NAXD: variants seen among roughly 807,000 people sequenced by gnomAD.
NAXD encodes the protein ATP-dependent (S)-NAD(P)H-hydrate dehydratase.
In NAXD, 22 loss-of-function variants were observed where a neutral mutation model predicts 35.8. The observed-to-expected ratio is 0.62, with a 90% CI of 0.44 to 0.88. The LOEUF (loss-of-function observed/expected upper bound fraction) is 0.88, where lower values mean the gene tolerates loss of function less well. NAXD is among the 40% of genes least tolerant of loss of function. The pLI is 0.00. For synonymous variants in NAXD, 189 were observed against 177.6 expected (o/e 1.06, Z -0.51); for missense variants, 428 against 437.7 (o/e 0.98, Z 0.20).
intron 9 of NAXD, chr13:110,637,721 A>G: frequency 2.2e-6 from 1 of 459,666 alleles, no homozygotes; most frequent in Non-Finnish European, 4.4e-6. Context: ...CAGTTCCCAT[A>G]CCTCTAAGCA....
intron 3 of NAXD, among the ~76,000 whole-genome samples, chr13:110,624,702 T>C (rs1324905655): frequency 6.6e-6 from 1 of 152,238 alleles, no homozygotes; most frequent in African/African-American, 2.4e-5. Flanking sequence ...CCTCACGTGA[T>C]CCATGCGCCT....
chr13:110,617,096 C>G (rs1389354512), intron 1 of NAXD, among the ~76,000 whole-genome samples: 1 of 152,182 alleles, frequency 6.6e-6, no homozygotes, highest in Non-Finnish European at 1.5e-5. Flanking sequence ...TATTATCAGA[C>G]TGCCTAAACT....
At chr13:110,621,193 G>T (rs112696657) in intron 1 of NAXD, among the ~76,000 whole-genome samples, 2 of 152,214 alleles carry the variant, frequency 1.3e-5, no homozygotes, top group Admixed American at 6.5e-5. Flanking sequence ...TGATGAATCT[G>T]TCAGACTTCT....
intron 5 of NAXD, among the ~76,000 whole-genome samples, chr13:110,630,373 C>G (rs533882504): frequency 6.6e-6 from 1 of 152,236 alleles, no homozygotes; most frequent in South Asian, 2.1e-4. Context: ...TACCCTTTCC[C>G]CACTTTGAAA....
rs549035962 is a variant in NAXD, at chr13:110,628,565, C to T, written c.441+1018C>T. ...GGCTTGAAGGCGGCGAGTGATGGAG[C>T]CAGCAGTGCAGGATGAGTCATCTGA... On this transcript the variant is annotated intron_variant, in intron 5 of 9. Coordinates refer to ENST00000680254, the MANE Select transcript of NAXD (RefSeq NM_001242882.2). The surrounding 1 kb of genome is among the most constrained non-coding windows in gnomAD (Gnocchi z 4.1). Among the ~76,000 whole-genome samples, 4 of 152,258 alleles carry T rather than the reference C, an allele frequency of 2.6e-5. No individual in the cohort carries two copies. The South Asian group carries it at 8.3e-4, about 32-fold the overall frequency.
At chr13:110,617,523 A>T (rs1303987111) in intron 1 of NAXD, among the ~76,000 whole-genome samples, 1 of 152,232 alleles carries the variant, frequency 6.6e-6, no homozygotes, top group Non-Finnish European at 1.5e-5. Context: ...TTCACTGCCA[A>T]GTGCTGGGAA....
At position 110,639,883 on chromosome 13, in the gene NAXD, T is replaced by G. The variant is rs980149291; in HGVS notation, c.*1355T>G. ...TAATTTGACGCCTAACTTCAGAAGC[T>G]TCACTGTCTACATGTGAACTTTTCC... On this transcript the variant is annotated 3_prime_UTR_variant, in exon 10 of 10. Coordinates refer to ENST00000680254, the MANE Select transcript of NAXD (RefSeq NM_001242882.2). 1.4e-4 allele frequency: 21 copies of G among 152,236 alleles called. No individual in the cohort carries two copies. Among genetic ancestry groups the G allele is most frequent in the African/African-American group, 5.1e-4 (21 of 41,472 alleles). The allele number at this position is 152,236 out of a possible 1,614,324, so 9.4% of individuals were successfully genotyped here.
rs1293119703 is a variant in NAXD at position 110,638,677 on chromosome 13, G to C, written c.*149G>C. 3 of 882,798 alleles carry C rather than the reference G, an allele frequency of 3.4e-6. No homozygotes were observed. The highest frequency in any genetic ancestry group is 3.9e-5 in the Admixed American group (2 of 50,812). 54.7% of individuals were successfully genotyped at this position (882,798 alleles called of 1,614,324 possible). On this transcript the variant is annotated 3_prime_UTR_variant, in exon 10 of 10. Transcript: ENST00000680254. This position sits in a 1 kb window ranked among gnomAD's most constrained non-coding sequence, Gnocchi z 5.4. ...AAATTGGTTGCCATTGAGAATTTAAGAATCTGGAATATTGCAGCTTTTGGT... is the reference window on the plus strand; with the variant it reads ...AAATTGGTTGCCATTGAGAATTTAACAATCTGGAATATTGCAGCTTTTGGT...
chr13:110,632,070 G>A (rs412822), intron 5 of NAXD, among the ~76,000 whole-genome samples: 32,738 of 138,298 alleles, frequency 0.24, 4,519 homozygotes, highest in African/African-American at 0.4. Flanking sequence ...GGACCCTCGC[G>A]GTGAGTGTTA....
chr13:110,634,829 AG>A, intron 7 of NAXD, 53 bp downstream of exon 7: 3 of 1,353,810 alleles, frequency 2.2e-6, no homozygotes, highest in Non-Finnish European at 3.1e-6. Flanking sequence ...CGTCCTGAAG[AG>A]GGTGAAGGAC....
intron 1 of NAXD, among the ~76,000 whole-genome samples, chr13:110,617,600 C>T (rs1270320955): frequency 6.6e-6 from 1 of 152,190 alleles, no homozygotes; most frequent in Non-Finnish European, 1.5e-5. Context: ...TGCTGGTGAG[C>T]AGCCTGGATT....
chr13:110,623,446 G>C (rs1182003828), intron 2 of NAXD, among the ~76,000 whole-genome samples: 1 of 152,218 alleles, frequency 6.6e-6, no homozygotes, highest in African/African-American at 2.4e-5. Context: ...GGCGGAAGCA[G>C]CTGGGTGGTG....
At position 110,625,610 on chromosome 13, in the gene NAXD, G is replaced by C. The variant is rs552659910; in HGVS notation, c.332+332G>C. Among the ~76,000 whole-genome samples, 24 of 152,346 alleles carry C rather than the reference G, an allele frequency of 1.6e-4. No individual in the cohort carries two copies. The South Asian group carries it at 5.0e-3, about 32-fold the overall frequency. On this transcript the variant is annotated intron_variant, in intron 4 of 9. Coordinates refer to ENST00000680254, the MANE Select transcript of NAXD (RefSeq NM_001242882.2). ...TCTGAGCAATAACAAGACCCTTCCT[G>C]CACTCGGCACATATGTCTGGTGCCA...
At chr13:110,634,423 T>C in intron 5 of NAXD, 122 bp from the exon 6 acceptor site, 1 of 983,752 alleles carries the variant, frequency 1.0e-6, no homozygotes, top group Non-Finnish European at 1.6e-6. Flanking sequence ...CATCACCTTT[T>C]AAAGGCCCCA....
At position 110,627,519 on chromosome 13, in the gene NAXD, G is replaced by C; in HGVS notation, c.413G>C (p.Arg138Thr). 2 of 1,613,962 alleles carry C rather than the reference G, an allele frequency of 1.2e-6. No individual in the cohort carries two copies. Among genetic ancestry groups the C allele is most frequent in the Non-Finnish European group, 8.5e-7 (1 of 1,179,818 alleles). ...HALVVGPGLGRDDALLRNVQG... is the reference protein window; with the variant it reads ...HALVVGPGLGTDDALLRNVQG... The stretch of plus-strand genomic sequence containing the variant: ...CTTGTCGTAGGACCTGGCTTGGGTA[G>C]AGATGATGCGCTTCTCAGAAATGTC... The change falls in exon 5 of 10, where the codon AGA becomes ACA. Residue 138 changes from arginine to threonine, a missense_variant. By Grantham distance (71) the Arg-to-Thr change is moderately conservative (BLOSUM62 -1). Around this residue, in one of 3 missense-constraint regions of NAXD, gnomAD observed 208 missense variants for 193.0 expected, o/e 1.08. Coordinates refer to ENST00000680254, the MANE Select transcript of NAXD (RefSeq NM_001242882.2).
At chr13:110,617,418 C>T (rs1566611906) in intron 1 of NAXD, among the ~76,000 whole-genome samples, 1 of 152,134 alleles carries the variant, frequency 6.6e-6, no homozygotes, top group Non-Finnish European at 1.5e-5. Flanking sequence ...CCTTTTTATC[C>T]TTCAGAACTT....
At chr13:110,622,517 T>C in intron 2 of NAXD, 151 bp downstream of exon 2, 1 of 709,462 alleles carries the variant, frequency 1.4e-6, no homozygotes, top group Non-Finnish European at 2.3e-6. Context: ...TGATCCACTT[T>C]TTGATTAACT....
intron 5 of NAXD, among the ~76,000 whole-genome samples, chr13:110,629,332 A>G (rs1259279380): frequency 1.3e-5 from 2 of 152,206 alleles, no homozygotes; most frequent in Non-Finnish European, 2.9e-5. Flanking sequence ...TACCTACCAT[A>G]CCCCTCACCC....
At position 110,638,099 on chromosome 13, in the gene NAXD, T is replaced by C; in HGVS notation, c.840-279T>C. 1 of 836,644 alleles carries C rather than the reference T, an allele frequency of 1.2e-6. No homozygotes were observed. The highest frequency in any genetic ancestry group is 2.4e-5 in the Admixed American group (1 of 41,594). The allele number at this position is 836,644 out of a possible 1,614,324, so 51.8% of individuals were successfully genotyped here. ...GGCTAAGCAGCTTGTGCCGCCTGGC[T>C]TTCCCCGGGAACACCTGGCCCACTG... On this transcript the variant is annotated intron_variant, in intron 9 of 9. Transcript: ENST00000680254. This position sits in a 1 kb window ranked among gnomAD's most constrained non-coding sequence, Gnocchi z 5.4.
Sources: allele counts gnomAD v4.1 joint callset (sites outside exome capture counted in the v4.1 genomes callset), GRCh38; gene constraint gnomAD v4.1.1; regional missense constraint gnomAD v4.1.1; non-coding constraint Gnocchi (gnomAD v3.1); transcripts MANE v1.5; gene names NCBI Gene and HGNC (gene_info 2026-07-23, HGNC 2026-07-21).